Variants in SGCD observed in about 807,000 individuals in gnomAD.
SGCD encodes the protein sarcoglycan delta.
In SGCD, 18 loss-of-function variants were observed where a neutral mutation model predicts 36.6. That is an observed-to-expected ratio of 0.49 (90% CI 0.34 to 0.73). The LOEUF (loss-of-function observed/expected upper bound fraction) is 0.73. Among genes scored for constraint, SGCD ranks in the 30% least tolerant of loss-of-function variants. The probability of loss-of-function intolerance (pLI) is 0.01; values close to 1 mark genes in which losing one functional copy is unlikely to be tolerated. For missense variants in SGCD, 387 were observed against 346.7 expected (o/e 1.12, Z -0.92); for synonymous variants, 133 against 130.6 (o/e 1.02, Z -0.12).
intron 1 of SGCD, among the ~76,000 whole-genome samples, chr5:156,035,903 G>T (rs182121087): frequency 2.0e-5 from 3 of 152,142 alleles, no homozygotes; most frequent in Non-Finnish European, 2.9e-5. Context: ...ACCATCACAA[G>T]AAAAATTGCA....
At chr5:155,924,344 G>A (rs1756951679) in intron 1 of SGCD, among the ~76,000 whole-genome samples, 1 of 152,182 alleles carries the variant, frequency 6.6e-6, no homozygotes, top group East Asian at 1.9e-4. Flanking sequence ...TCAGCACAGA[G>A]GAAGGGATGT....
intron 6 of SGCD, among the ~76,000 whole-genome samples, chr5:156,631,587 A>AT (rs1240468391): frequency 6.6e-5 from 10 of 151,318 alleles, no homozygotes; most frequent in Admixed American, 1.3e-4. Context: ...GGAAAAAACT[A>AT]TTAAAGGCTC....
the SGCD span, among the ~76,000 whole-genome samples, chr5:155,844,787 G>C: frequency 6.6e-6 from 1 of 152,062 alleles, no homozygotes; most frequent in African/African-American, 2.4e-5. Flanking sequence ...TATATGAAGC[G>C]GTATAGCACA....
At chr5:156,598,502 A>T (rs1346913727) in intron 6 of SGCD, among the ~76,000 whole-genome samples, 1 of 152,222 alleles carries the variant, frequency 6.6e-6, no homozygotes, top group Admixed American at 6.5e-5. Flanking sequence ...AGATCGTGCC[A>T]CTGTACTCCA....
intron 3 of SGCD, among the ~76,000 whole-genome samples, chr5:156,409,363 T>C (rs1772615981): frequency 6.6e-6 from 1 of 152,372 alleles, no homozygotes; most frequent in African/African-American, 2.4e-5. Flanking sequence ...ACATTCTTTT[T>C]GTTCTGTCCT....
chr5:156,243,944 A>G (rs1460899051), intron 3 of SGCD, among the ~76,000 whole-genome samples: 2 of 152,202 alleles, frequency 1.3e-5, no homozygotes, highest in East Asian at 3.9e-4. Context: ...TTTACAGATC[A>G]ATGTGGAACA....
At chr5:156,073,606 A>G (rs957782638) in intron 1 of SGCD, among the ~76,000 whole-genome samples, 3 of 152,090 alleles carry the variant, frequency 2.0e-5, no homozygotes, top group Non-Finnish European at 2.9e-5. Context: ...TAAGATCTCT[A>G]TTTTCTATTC....
Position 156,344,546 on chromosome 5 carries a change from C to A in SGCD, c.61C>A (p.Gln21Lys), listed in dbSNP as rs771463833. The A allele has an allele frequency of 6.2e-7, 1 of 1,611,236 alleles. No homozygotes were observed. The highest frequency in any genetic ancestry group is 1.7e-5 in the Admixed American group (1 of 59,762). The change falls in exon 3 of 9, where the codon CAG becomes AAG. Residue 21 changes from glutamine (Q) to lysine (K), a missense_variant. Gln to Lys is a moderately conservative substitution (Grantham distance 53, BLOSUM62 1). Coordinates refer to ENST00000337851, the MANE Select transcript of SGCD (RefSeq NM_000337.6). ...RSTMPGSVGP[Q>K]VYKVGIYGWR... The stretch of plus-strand genomic sequence containing the variant: ...CACCATGCCTGGCTCTGTGGGGCCA[C>A]AGGTATACAAGGTGGGGATTTATGG...
At chr5:156,676,797 C>A (rs1036428234) in intron 7 of SGCD, among the ~76,000 whole-genome samples, 1 of 152,192 alleles carries the variant, frequency 6.6e-6, no homozygotes, top group Non-Finnish European at 1.5e-5. Context: ...CCATGCTAAA[C>A]ACATAAATAC....
chr5:155,867,872 T>C (rs1472174334), upstream of SGCD, among the ~76,000 whole-genome samples: 1 of 152,140 alleles, frequency 6.6e-6, no homozygotes, highest in East Asian at 1.9e-4. Flanking sequence ...AAACATTAAG[T>C]AATTGGTCTA....
intron 3 of SGCD, among the ~76,000 whole-genome samples, chr5:156,347,238 T>G (rs1012733773): frequency 6.6e-6 from 1 of 152,208 alleles, no homozygotes; most frequent in Non-Finnish European, 1.5e-5. Context: ...AGCTGAGGGC[T>G]CTGGAGGATG....
At chr5:156,406,490 C>T (rs993799387) in intron 3 of SGCD, among the ~76,000 whole-genome samples, 2 of 151,922 alleles carry the variant, frequency 1.3e-5, no homozygotes, top group Non-Finnish European at 2.9e-5. Context: ...AGTAAATTTT[C>T]CTATAGCCTT....
chr5:156,007,650 T>A (rs1758782864), intron 1 of SGCD, among the ~76,000 whole-genome samples: 1 of 152,118 alleles, frequency 6.6e-6, no homozygotes, highest in Non-Finnish European at 1.5e-5. Context: ...CTGGGGGTAG[T>A]AGACAGAATG....
At chr5:156,544,047 G>C (rs1033601476) in intron 4 of SGCD, among the ~76,000 whole-genome samples, 2 of 152,162 alleles carry the variant, frequency 1.3e-5, no homozygotes, top group African/African-American at 2.4e-5. Context: ...TCTGAAAAGC[G>C]AGATATGTTT....
In SGCD at chr5:156,767,443, A is replaced by G. The variant is rs2113215515; in HGVS notation, c.*8053A>G. 6.6e-6 allele frequency: 1 copy of G among 151,498 alleles called. No individual in the cohort carries two copies. The highest frequency in any genetic ancestry group is 6.6e-5 in the Admixed American group (1 of 15,216). 9.4% of individuals were successfully genotyped at this position (151,498 alleles called of 1,614,324 possible). On this transcript the variant is annotated 3_prime_UTR_variant, in exon 9 of 9. Coordinates refer to ENST00000337851, the MANE Select transcript of SGCD (RefSeq NM_000337.6). ...AGCCGGATTCTGATGTTCTTAACCAAAATGGTGAGGTCATGGAAGTCCCAT... is the reference window on the plus strand; with the variant it reads ...AGCCGGATTCTGATGTTCTTAACCAGAATGGTGAGGTCATGGAAGTCCCAT...
chr5:155,956,483 G>A (rs544526585), intron 1 of SGCD, among the ~76,000 whole-genome samples: 1 of 152,182 alleles, frequency 6.6e-6, no homozygotes, highest in South Asian at 2.1e-4. Context: ...GTAGGCGCTG[G>A]CATTTATTTT....
chr5:155,748,300 T>C, the SGCD span, among the ~76,000 whole-genome samples: 1 of 151,928 alleles, frequency 6.6e-6, no homozygotes, highest in African/African-American at 2.4e-5. Flanking sequence ...CTCTCTCTCT[T>C]TCCTTAAAAC....
intron 7 of SGCD, among the ~76,000 whole-genome samples, chr5:156,716,256 T>C (rs1274636594): frequency 6.6e-6 from 1 of 152,196 alleles, no homozygotes; most frequent in African/African-American, 2.4e-5. Context: ...CTTACCCTTG[T>C]CAGTTTAACA....
chr5:155,744,657 G>A, the SGCD span, among the ~76,000 whole-genome samples: 1 of 152,136 alleles, frequency 6.6e-6, no homozygotes, highest in Non-Finnish European at 1.5e-5. Flanking sequence ...AGACACAGCT[G>A]AAGTTGGAGG....
Sources: allele counts gnomAD v4.1 joint callset (sites outside exome capture counted in the v4.1 genomes callset), GRCh38; gene constraint gnomAD v4.1.1; transcripts MANE v1.5; gene names NCBI Gene and HGNC (gene_info 2026-07-23, HGNC 2026-07-21).